The following PTPRT variants were observed in gnomAD, a reference collection of about 807,000 sequenced individuals.
The protein encoded by PTPRT is receptor-type tyrosine-protein phosphatase T.
PTPRT carries 56 observed loss-of-function variants against 176.8 expected under a neutral mutation model. The observed-to-expected ratio is 0.32, with a 90% CI of 0.26 to 0.40. PTPRT has a LOEUF of 0.40. Among genes scored for constraint, PTPRT ranks in the 10% least tolerant of loss-of-function variants. The probability of loss-of-function intolerance (pLI) is 1.00; values close to 1 mark genes in which losing one functional copy is unlikely to be tolerated. For synonymous variants in PTPRT, 783 were observed against 739.0 expected, an observed-to-expected ratio of 1.06 and a Z score of -0.96; for missense variants, 1,540 against 1,908.2, an observed-to-expected ratio of 0.81 and a Z score of 3.60.
chr20:42,423,201 A>AAG (rs58685990), intron 9 of PTPRT, among the ~76,000 whole-genome samples: 1 of 147,124 alleles, frequency 6.8e-6, no homozygotes, highest in Non-Finnish European at 1.5e-5. Flanking sequence ...AAAAAAAAAA[A>AAG]GGAAGAGAAA....
At chr20:42,208,236 A>T (rs1279574600) in intron 15 of PTPRT, among the ~76,000 whole-genome samples, 4 of 118,592 alleles carry the variant, frequency 3.4e-5, no homozygotes, top group Non-Finnish European at 6.9e-5. Flanking sequence ...TGCATCAACT[A>T]ACGAGCAAAA....
intron 1 of PTPRT, among the ~76,000 whole-genome samples, chr20:42,933,193 C>G (rs1979973232): frequency 6.6e-6 from 1 of 152,196 alleles, no homozygotes; most frequent in Admixed American, 6.5e-5. Context: ...CTAATTCATA[C>G]CTCAGGGCCT....
intron 9 of PTPRT, among the ~76,000 whole-genome samples, chr20:42,390,650 G>A (rs1391120844): frequency 6.6e-6 from 1 of 152,154 alleles, no homozygotes; most frequent in African/African-American, 2.4e-5. Context: ...CAATAGCTGT[G>A]TGAGTACACC....
intron 1 of PTPRT, among the ~76,000 whole-genome samples, chr20:42,908,671 G>A (rs1369130762): frequency 1.3e-5 from 2 of 152,114 alleles, no homozygotes; most frequent in Admixed American, 6.5e-5. Flanking sequence ...ATAGAGTCAT[G>A]TAAACTTTAA....
At chr20:43,140,461 T>C (rs2013968863) in intron 1 of PTPRT, among the ~76,000 whole-genome samples, 1 of 34,746 alleles carries the variant, frequency 2.9e-5, no homozygotes, top group Non-Finnish European at 1.8e-4. Flanking sequence ...TGTGTGTGTG[T>C]GTGTGTGTGT....
intron 13 of PTPRT, chr20:42,270,372 A>T (rs1450611021): frequency 2.6e-6 from 2 of 760,166 alleles, no homozygotes; most frequent in African/African-American, 3.9e-5. Flanking sequence ...CTCCCCTCCC[A>T]CCCGCCCAGG....
intron 7 of PTPRT, among the ~76,000 whole-genome samples, chr20:42,543,101 C>A (rs1601232177): frequency 6.6e-6 from 1 of 152,116 alleles, no homozygotes; most frequent in Non-Finnish European, 1.5e-5. Context: ...GTTGGAGTGG[C>A]TGTGGCAGTT....
chr20:42,429,523 G>A (rs545030721), intron 9 of PTPRT, among the ~76,000 whole-genome samples: 11 of 152,176 alleles, frequency 7.2e-5, no homozygotes, highest in African/African-American at 2.4e-4. Flanking sequence ...CCTGCAAGGC[G>A]CTCTTTCAGA....
intron 1 of PTPRT, among the ~76,000 whole-genome samples, chr20:43,094,170 G>A (rs1015909984): frequency 7.6e-5 from 11 of 144,664 alleles, no homozygotes; most frequent in Non-Finnish European, 1.6e-4. Flanking sequence ...TCACTGCAAC[G>A]TCCACCTCCC....
the PTPRT span, among the ~76,000 whole-genome samples, chr20:42,041,989 C>T: frequency 6.6e-6 from 1 of 152,126 alleles, no homozygotes; most frequent in African/African-American, 2.4e-5. Flanking sequence ...GCTGTCTCTC[C>T]TGCATTTAGT....
At chr20:42,689,596 T>C (rs2075759083) in intron 6 of PTPRT, among the ~76,000 whole-genome samples, 1 of 152,232 alleles carries the variant, frequency 6.6e-6, no homozygotes, top group African/African-American at 2.4e-5. Context: ...TCCCAAAAGA[T>C]GCTCAATTCC....
At chr20:42,591,195 T>C (rs1335309538) in intron 7 of PTPRT, among the ~76,000 whole-genome samples, 1 of 151,788 alleles carries the variant, frequency 6.6e-6, no homozygotes, top group Non-Finnish European at 1.5e-5. Flanking sequence ...AATCCAGAAA[T>C]ATTAAGGGAA....
chr20:42,794,411 A>C (rs537711491), intron 2 of PTPRT, among the ~76,000 whole-genome samples: 41 of 152,286 alleles, frequency 2.7e-4, no homozygotes, highest in African/African-American at 9.9e-4. Context: ...AGAATCTCAC[A>C]TCCACCCCCA....
At chr20:43,014,644 A>C (rs763402256) in intron 1 of PTPRT, among the ~76,000 whole-genome samples, 1 of 152,204 alleles carries the variant, frequency 6.6e-6, no homozygotes, top group African/African-American at 2.4e-5. Context: ...ACACTACTCC[A>C]AAATCTGCCA....
At chr20:42,793,966 T>C (rs991709356) in intron 2 of PTPRT, among the ~76,000 whole-genome samples, 5 of 152,158 alleles carry the variant, frequency 3.3e-5, no homozygotes, top group African/African-American at 1.2e-4. Context: ...ACATTTCAGC[T>C]CCTGTCCTCC....
Position 42,639,181 on chromosome 20 carries a change from C to T in PTPRT, c.1153+38685G>A, listed in dbSNP as rs145344538. 2.5e-3 allele frequency among the ~76,000 whole-genome samples: 384 copies of T among 152,242 alleles called. 4 individuals carry two copies. The highest frequency in any genetic ancestry group is 8.8e-3 in the African/African-American group (366 of 41,526). ...CTATTTTAGTCACAATACAATTTTACCCACTCACAGGTGCTCTGTAGCAGC... is the reference window on the plus strand; with the variant it reads ...CTATTTTAGTCACAATACAATTTTATCCACTCACAGGTGCTCTGTAGCAGC... On this transcript the variant is annotated intron_variant, in intron 7 of 30. Coordinates refer to ENST00000373187, the MANE Select transcript of PTPRT (RefSeq NM_007050.6).
intron 12 of PTPRT, among the ~76,000 whole-genome samples, chr20:42,297,948 T>G (rs754252870): frequency 2.6e-5 from 4 of 152,148 alleles, no homozygotes; most frequent in Non-Finnish European, 5.9e-5. Flanking sequence ...AATTCCTTTA[T>G]AGCCTGAGTG....
At chr20:42,559,582 G>A (rs2072916533) in intron 7 of PTPRT, among the ~76,000 whole-genome samples, 1 of 152,176 alleles carries the variant, frequency 6.6e-6, no homozygotes, top group African/African-American at 2.4e-5. Flanking sequence ...AGAATGGAAT[G>A]ATTAATCTAG....
At chr20:42,556,155 G>A (rs1251188185) in intron 7 of PTPRT, among the ~76,000 whole-genome samples, 1 of 152,126 alleles carries the variant, frequency 6.6e-6, no homozygotes, top group Non-Finnish European at 1.5e-5. Flanking sequence ...GACTTGCCTA[G>A]CTCAGATCAC....
Sources: gnomAD v4.1 joint callset for allele counts (sites outside exome capture counted in the v4.1 genomes callset) on GRCh38, gnomAD v4.1.1 for gene constraint, MANE v1.5 for transcripts, NCBI Gene and HGNC (gene_info 2026-07-23, HGNC 2026-07-21) for gene names.